The following ADAMTS3 variants were observed in gnomAD, a reference collection of about 807,000 sequenced individuals.
ADAMTS3 encodes the protein A disintegrin and metalloproteinase with thrombospondin motifs 3.
ADAMTS3 carries 73 observed loss-of-function variants against 129.0 expected under a neutral mutation model. The ratio of observed to expected loss-of-function variants is 0.57; its 90% CI spans 0.47 to 0.69. The LOEUF (loss-of-function observed/expected upper bound fraction) is 0.69, where lower values mean the gene tolerates loss of function less well. Ranked by LOEUF, ADAMTS3 falls within the 30% of genes least tolerant of loss-of-function variation. ADAMTS3 has a pLI of 0.00. For missense variants in ADAMTS3, 1,457 were observed against 1,514.5 expected (o/e 0.96, Z 0.63); for synonymous variants, 477 against 510.8 (o/e 0.93, Z 0.89).
intron 4 of ADAMTS3, among the ~76,000 whole-genome samples, chr4:72,353,962 A>G (rs891641068): frequency 6.6e-6 from 1 of 151,884 alleles, no homozygotes; most frequent in Admixed American, 6.6e-5. Flanking sequence ...ACTGCTTCCA[A>G]TCTGGCCTGT....
intron 3 of ADAMTS3, among the ~76,000 whole-genome samples, chr4:72,427,941 G>T (rs12644571): frequency 0.71 from 107,889 of 151,882 alleles, 38,510 homozygotes; most frequent in South Asian, 0.8. Flanking sequence ...AGAAAAGAGT[G>T]GATTTTTTCT....
intron 21 of ADAMTS3, among the ~76,000 whole-genome samples, chr4:72,285,276 A>G (rs545656244): frequency 6.6e-6 from 1 of 152,346 alleles, no homozygotes; most frequent in Non-Finnish European, 1.5e-5. Flanking sequence ...TATATGGTAT[A>G]ATGTGTCTGA....
intron 4 of ADAMTS3, among the ~76,000 whole-genome samples, chr4:72,351,082 T>C (rs1483293085): frequency 6.6e-6 from 1 of 151,918 alleles, no homozygotes; most frequent in Non-Finnish European, 1.5e-5. Flanking sequence ...GGGGCAATCC[T>C]GAGGCTCACC....
At chr4:72,561,667 A>C (rs1034976668) in intron 2 of ADAMTS3, among the ~76,000 whole-genome samples, 1 of 152,212 alleles carries the variant, frequency 6.6e-6, no homozygotes, top group Non-Finnish European at 1.5e-5. Flanking sequence ...AAATTGTTGG[A>C]AATGTGATTT....
intron 3 of ADAMTS3, among the ~76,000 whole-genome samples, chr4:72,443,782 T>G (rs1718181148): frequency 6.6e-6 from 1 of 151,634 alleles, no homozygotes; most frequent in South Asian, 2.1e-4. Flanking sequence ...GGTTAATTAT[T>G]CCTCAAAATC....
rs1475932389 is a variant in ADAMTS3 at position 72,309,535 on chromosome 4, T to C, written c.2056-15A>G. On this transcript the variant is annotated splice_polypyrimidine_tract_variant and intron_variant, in intron 14 of 21. Coordinates refer to ENST00000286657, the MANE Select transcript of ADAMTS3 (RefSeq NM_014243.3). Reference sequence around the variant, plus strand: ...CAGCCCACTTTCTGGAGAGAGAAGATGTCAAATGTGGCTAATTTTAGTGTG... The same window carrying C: ...CAGCCCACTTTCTGGAGAGAGAAGACGTCAAATGTGGCTAATTTTAGTGTG... The C allele has an allele frequency of 1.2e-6, 2 of 1,610,444 alleles. No individual in the cohort carries two copies. The highest frequency in any genetic ancestry group is 1.7e-4 in the Middle Eastern group (1 of 6,026).
chr4:72,491,371 G>A (rs755407243), intron 3 of ADAMTS3, among the ~76,000 whole-genome samples: 164 of 151,556 alleles, frequency 1.1e-3, no homozygotes, highest in Non-Finnish European at 2.1e-3. Context: ...TCTTTGTATT[G>A]TTCAGTATCT....
chr4:72,329,240 T>C lies in ADAMTS3; in HGVS notation c.862-6143A>G, dbSNP rs561115093. Among the ~76,000 whole-genome samples, 3 of 152,018 alleles carry C rather than the reference T, an allele frequency of 2.0e-5. No individual in the cohort carries two copies. The East Asian group carries it at 5.8e-4, about 29-fold the overall frequency. On this transcript the variant is annotated intron_variant, in intron 5 of 21. Coordinates refer to ENST00000286657, the MANE Select transcript of ADAMTS3 (RefSeq NM_014243.3). ...ATGTCATTTGAAATGGGAATAGGTG[T>C]AATAAAGAAAACAAATATATGAGTG...
At chr4:72,301,589 A>G (rs768621809) in intron 17 of ADAMTS3, among the ~76,000 whole-genome samples, 9 of 152,202 alleles carry the variant, frequency 5.9e-5, no homozygotes, top group Non-Finnish European at 1.2e-4. Context: ...TTCTGTATAA[A>G]ACAGAAACTA....
At chr4:72,377,463 C>T (rs1721162036) in intron 4 of ADAMTS3, among the ~76,000 whole-genome samples, 1 of 152,114 alleles carries the variant, frequency 6.6e-6, no homozygotes, top group African/African-American at 2.4e-5. Context: ...AGAATAACTC[C>T]ACTTGAGCAC....
intron 3 of ADAMTS3, among the ~76,000 whole-genome samples, chr4:72,420,188 C>T (rs1722407601): frequency 6.6e-6 from 1 of 152,174 alleles, no homozygotes; most frequent in South Asian, 2.1e-4. Flanking sequence ...GGCCCTCCCT[C>T]ATCTCAGCAT....
At chr4:72,528,538 A>T (rs1345921126) in intron 3 of ADAMTS3, among the ~76,000 whole-genome samples, 2 of 151,662 alleles carry the variant, frequency 1.3e-5, no homozygotes, top group East Asian at 3.8e-4. Flanking sequence ...AAAAAAAAAA[A>T]ACAGATGCTG....
At chr4:72,427,857 G>A (rs1722609768) in intron 3 of ADAMTS3, among the ~76,000 whole-genome samples, 1 of 151,976 alleles carries the variant, frequency 6.6e-6, no homozygotes, top group South Asian at 2.1e-4. Flanking sequence ...TTGTAGATGT[G>A]CTGCAACACA....
chr4:72,399,275 T>C lies in ADAMTS3; in HGVS notation c.661+15540A>G, dbSNP rs116551847. On this transcript the variant is annotated intron_variant, in intron 4 of 21. Coordinates refer to ENST00000286657, the MANE Select transcript of ADAMTS3 (RefSeq NM_014243.3). ...TGAGACCTCATCTCTACAAAAAAAGTAAAAGAAATTAGCTGAGTGTGGTGG... is the reference window on the plus strand; with the variant it reads ...TGAGACCTCATCTCTACAAAAAAAGCAAAAGAAATTAGCTGAGTGTGGTGG... Among the ~76,000 whole-genome samples the C allele has an allele frequency of 9.7e-3, 1,479 of 151,826 alleles. 8 individuals carry two copies. Among genetic ancestry groups the C allele is most frequent in the Non-Finnish European group, 0.014 (973 of 67,930 alleles).
At chr4:72,417,703 G>C (rs928919908) in intron 3 of ADAMTS3, among the ~76,000 whole-genome samples, 2 of 151,802 alleles carry the variant, frequency 1.3e-5, no homozygotes, top group East Asian at 3.9e-4. Context: ...CGCCGAGATG[G>C]GCGGATCATG....
chr4:72,520,199 G>A (rs187275364), intron 3 of ADAMTS3, among the ~76,000 whole-genome samples: 226 of 152,310 alleles, frequency 1.5e-3, no homozygotes, highest in Non-Finnish European at 2.2e-3. Flanking sequence ...TCCTCTGGAA[G>A]TTTTGTCTCA....
rs1318553043 is a variant in ADAMTS3 at position 72,344,345 on chromosome 4, T to C, written c.662-4652A>G. Among the ~76,000 whole-genome samples the C allele has an allele frequency of 2.6e-5, 4 of 152,112 alleles. No individual in the cohort carries two copies. In the South Asian group the frequency reaches 8.3e-4, roughly 31 times the overall value. On this transcript the variant is annotated intron_variant, in intron 4 of 21. Transcript: ENST00000286657. ...TCCCTACCCCAGAAAAAAATTTCTATGGTCTGAAAAAGGACAGGAGACGAA... is the reference window on the plus strand; with the variant it reads ...TCCCTACCCCAGAAAAAAATTTCTACGGTCTGAAAAAGGACAGGAGACGAA...
At chr4:72,477,052 C>CA (rs1719255638) in intron 3 of ADAMTS3, among the ~76,000 whole-genome samples, 1 of 152,068 alleles carries the variant, frequency 6.6e-6, no homozygotes. Flanking sequence ...AAAGCATCTT[C>CA]AAAAAACCTA....
At chr4:72,288,573 G>A (rs1293966506) in intron 21 of ADAMTS3, among the ~76,000 whole-genome samples, 178 bp downstream of exon 21, 1 of 152,126 alleles carries the variant, frequency 6.6e-6, no homozygotes, top group Non-Finnish European at 1.5e-5. Flanking sequence ...AAAAAGTGTA[G>A]GACATTACCT....
Sources: gnomAD v4.1 joint callset for allele counts (sites outside exome capture counted in the v4.1 genomes callset) on GRCh38, gnomAD v4.1.1 for gene constraint, MANE v1.5 for transcripts, NCBI Gene and HGNC (gene_info 2026-07-23, HGNC 2026-07-21) for gene names.